The following KNL1 variants were observed in gnomAD, a reference collection of about 807,000 sequenced individuals.
KNL1 encodes the protein outer kinetochore KNL1 complex subunit KNL1.
In KNL1, 66 loss-of-function variants were observed where a neutral mutation model predicts 201.3. The observed-to-expected ratio is 0.33, with a 90% CI of 0.27 to 0.40. The LOEUF is 0.40. KNL1 is among the 10% of genes least tolerant of loss of function. The pLI is 1.00. For missense variants in KNL1, 2,815 were observed against 2,690.5 expected (o/e 1.05, Z -1.02); for synonymous variants, 895 against 899.2 (o/e 1.00, Z 0.08).
intron 13 of KNL1, among the ~76,000 whole-genome samples, chr15:40,632,217 C>A (rs990981116): frequency 2.8e-5 from 4 of 142,044 alleles, no homozygotes; most frequent in Non-Finnish European, 6.1e-5. Context: ...GAGACCCCCC[C>A]CCACCCACAT....
At chr15:40,616,125 C>CT (rs34211041) in intron 8 of KNL1, among the ~76,000 whole-genome samples, 48,728 of 133,202 alleles carry the variant, frequency 0.37, 9,333 homozygotes, top group Non-Finnish European at 0.43. Flanking sequence ...ACTATTACTT[C>CT]TTTTTTTTTT....
In KNL1 at chr15:40,621,788, A is replaced by G; in HGVS notation, c.1524A>G (p.Ile508Met). ...IFKQDQSNVQ[I>M]AAAPTPEKEM... ...AACAAGATCAATCAAATGTGCAAATAGCAGCTGCACCAACACCCGAAAAAG... is the reference window on the plus strand; with the variant it reads ...AACAAGATCAATCAAATGTGCAAATGGCAGCTGCACCAACACCCGAAAAAG... The change falls in exon 10 of 26, where the codon ATA (isoleucine) becomes ATG (methionine). Residue 508 changes from isoleucine to methionine, a missense_variant. This residue lies in a region of KNL1 where 2,464 missense variants were observed against 2,291.7 expected (regional missense o/e 1.08). Coordinates refer to ENST00000399668, the MANE Select transcript of KNL1 (RefSeq NM_144508.5). 6.2e-7 allele frequency: 1 copy of G among 1,613,820 alleles called. No homozygotes were observed.
At chr15:40,656,358 G>A (rs1893732218) in intron 22 of KNL1, among the ~76,000 whole-genome samples, 1 of 151,990 alleles carries the variant, frequency 6.6e-6, no homozygotes, top group Admixed American at 6.6e-5. Flanking sequence ...GCCTGAATCC[G>A]GGAGGCGGAG....
In KNL1 at chr15:40,662,159, C is replaced by T; in HGVS notation, c.6922C>T (p.Leu2308=). The change falls in exon 26 of 26, where the codon CTG becomes TTG. Residue 2308 remains leucine (L), a synonymous_variant. Coordinates refer to ENST00000399668, the MANE Select transcript of KNL1 (RefSeq NM_144508.5). ...KNVVKQIYQD[L]FQDCHFYH ...TGTAGTCAAGCAAATTTACCAAGATCTGTTTCAGGACTGCCATTTCTACCA... is the reference window on the plus strand; with the variant it reads ...TGTAGTCAAGCAAATTTACCAAGATTTGTTTCAGGACTGCCATTTCTACCA... The T allele has an allele frequency of 6.2e-7, 1 of 1,610,206 alleles. No individual in the cohort carries two copies. Among genetic ancestry groups the T allele is most frequent in the Non-Finnish European group, 8.5e-7 (1 of 1,176,498 alleles).
At chr15:40,605,819 C>A (rs10518696) in intron 3 of KNL1, among the ~76,000 whole-genome samples, 1 of 152,120 alleles carries the variant, frequency 6.6e-6, no homozygotes, top group Non-Finnish European at 1.5e-5. Context: ...TGGCTTTAGG[C>A]ACACTTACTG....
chr15:40,619,018 G>A lies in KNL1; in HGVS notation c.375+7G>A, dbSNP rs878918093. The A allele has an allele frequency of 1.9e-6, 3 of 1,563,044 alleles. No individual in the cohort carries two copies. The highest frequency in any genetic ancestry group is 1.1e-5 in the South Asian group (1 of 89,768). ...CCAGATGCAACAGAAGGAGGTATGA[G>A]TTCATGCAAATACCTTCATATTGTA... On this transcript the variant is annotated splice_region_variant and intron_variant, in intron 9 of 25. Transcript: ENST00000399668.
chr15:40,600,308 G>T (rs1891753525), intron 1 of KNL1, among the ~76,000 whole-genome samples: 1 of 152,120 alleles, frequency 6.6e-6, no homozygotes. Context: ...CTCCTGACCT[G>T]AGGTGATCCA....
chr15:40,659,263 CAAA>C (rs879185238), intron 24 of KNL1, 73 bp from the exon 25 acceptor site: 2,736 of 1,035,072 alleles, frequency 2.6e-3, no homozygotes, highest in East Asian at 3.5e-3. Flanking sequence ...GACTCCGTCT[CAAA>C]AAAAAAAAAA....
Position 40,625,556 on chromosome 15 carries a change from G to T in KNL1, c.5292G>T (p.Trp1764Cys), listed in dbSNP as rs1471023341. 6.2e-7 allele frequency: 1 copy of T among 1,605,384 alleles called. No individual in the cohort carries two copies. Among genetic ancestry groups the T allele is most frequent in the East Asian group, 2.2e-5 (1 of 44,812 alleles). Residue 1764 changes from tryptophan to cysteine, a missense_variant, in exon 10 of 26, where the codon TGG becomes TGT. Around this residue, in one of 3 missense-constraint regions of KNL1, gnomAD observed 2,464 missense variants for 2,291.7 expected, o/e 1.08. Transcript: ENST00000399668. ...CTTGCAATAGCCAAAAAAGAACGTG[G>T]GTACAAGAAGAAGAAGATATTCATA... Reference protein sequence around the residue: ...GKTCNSQKRTWVQEEEDIHKE... With the variant: ...GKTCNSQKRTCVQEEEDIHKE...
At chr15:40,600,789 A>C (rs1436709687) in intron 1 of KNL1, among the ~76,000 whole-genome samples, 2 of 152,190 alleles carry the variant, frequency 1.3e-5, no homozygotes, top group African/African-American at 4.8e-5. Flanking sequence ...TTAATACATA[A>C]AGTGAAAATC....
chr15:40,599,046 C>T (rs893138683), intron 1 of KNL1, among the ~76,000 whole-genome samples: 30 of 151,914 alleles, frequency 2.0e-4, no homozygotes, highest in Admixed American at 3.9e-4. Flanking sequence ...GTCAAGCAGT[C>T]CTCCCACCTT....
chr15:40,608,979 G>T, intron 5 of KNL1, 71 bp downstream of exon 5: 2 of 942,222 alleles, frequency 2.1e-6, no homozygotes, highest in Non-Finnish European at 3.4e-6. Flanking sequence ...AAATGTATTG[G>T]TACTGACTTG....
chr15:40,614,966 T>C (rs1449746361), intron 7 of KNL1, among the ~76,000 whole-genome samples: 2 of 152,200 alleles, frequency 1.3e-5, no homozygotes, highest in African/African-American at 4.8e-5. Context: ...GACATGATTA[T>C]AGTTCATTGC....
intron 5 of KNL1, 83 bp from the exon 6 acceptor site, chr15:40,610,162 A>G (rs561154218): frequency 3.9e-6 from 3 of 768,700 alleles, no homozygotes; most frequent in Non-Finnish European, 6.8e-6. Context: ...ATCTTGACCT[A>G]TCTCAACACA....
At chr15:40,628,554 A>G (rs1221321505) in intron 11 of KNL1, 57 bp from the exon 12 acceptor site, 22 of 1,155,420 alleles carry the variant, frequency 1.9e-5, no homozygotes, top group Middle Eastern at 2.0e-4. Context: ...GATAACCACA[A>G]TTAAGTTCAC....
At chr15:40,597,579 G>A (rs1197933445) in intron 1 of KNL1, among the ~76,000 whole-genome samples, 1 of 152,080 alleles carries the variant, frequency 6.6e-6, no homozygotes, top group Non-Finnish European at 1.5e-5. Flanking sequence ...CAGGCCCCGG[G>A]AACCAGTAAC....
intron 4 of KNL1, 85 bp from the exon 5 acceptor site, chr15:40,608,761 AG>A (rs1202169572): frequency 1.4e-5 from 11 of 792,308 alleles, no homozygotes; most frequent in Admixed American, 2.7e-5. Context: ...AAAAAAAAAA[AG>A]GACTTGATCT....
chr15:40,606,227 A>G (rs567967126), intron 3 of KNL1, among the ~76,000 whole-genome samples, 166 bp from the exon 4 acceptor site: 33 of 152,358 alleles, frequency 2.2e-4, no homozygotes, highest in Middle Eastern at 6.8e-3. Flanking sequence ...AATAGATGTC[A>G]GATATTTAAA....
chr15:40,650,153 G>A, intron 17 of KNL1, 148 bp from the exon 18 acceptor site: 6 of 545,178 alleles, frequency 1.1e-5, no homozygotes, highest in South Asian at 5.2e-5. Flanking sequence ...GAAACCATCA[G>A]ACTAGAACTT....
Sources: allele counts gnomAD v4.1 joint callset (sites outside exome capture counted in the v4.1 genomes callset), GRCh38; gene constraint gnomAD v4.1.1; regional missense constraint gnomAD v4.1.1; transcripts MANE v1.5; gene names NCBI Gene and HGNC (gene_info 2026-07-23, HGNC 2026-07-21).